FGF12: variants seen among roughly 807,000 people sequenced by gnomAD.
The protein encoded by FGF12 is fibroblast growth factor 12, also known as fibroblast growth factor 12B.
A neutral mutation model predicts 23.6 loss-of-function variants in FGF12; 14 were observed. The observed-to-expected ratio is 0.59, with a 90% confidence interval of 0.39 to 0.93. The LOEUF (loss-of-function observed/expected upper bound fraction) is 0.93. FGF12 is among the 40% of genes least tolerant of loss of function. The pLI, the probability that FGF12 is intolerant of heterozygous loss-of-function variation, is 0.00. For missense variants in FGF12, 175 were observed against 217.8 expected, an observed-to-expected ratio of 0.80 and a Z score of 1.24; for synonymous variants, 62 against 77.3, an observed-to-expected ratio of 0.80 and a Z score of 1.04.
chr3:192,711,763 G>A (rs899788449), intron 2 of FGF12, among the ~76,000 whole-genome samples: 1 of 151,932 alleles, frequency 6.6e-6, no homozygotes, highest in African/African-American at 2.4e-5. Flanking sequence ...CTCCTTAAGA[G>A]TCATCACCAC....
At chr3:192,268,949 C>T (rs1447649398) in intron 4 of FGF12, among the ~76,000 whole-genome samples, 1 of 152,066 alleles carries the variant, frequency 6.6e-6, no homozygotes, top group Non-Finnish European at 1.5e-5. Context: ...GTCTCTCACT[C>T]TGTCACCCAG....
intron 2 of FGF12, among the ~76,000 whole-genome samples, chr3:192,484,091 C>T (rs1577011342): frequency 6.6e-6 from 1 of 152,072 alleles, no homozygotes; most frequent in Non-Finnish European, 1.5e-5. Context: ...GCAATGAAGA[C>T]TAGCCACAGA....
At chr3:192,223,738 GCC>G (rs1317008109) in intron 4 of FGF12, among the ~76,000 whole-genome samples, 1 of 152,106 alleles carries the variant, frequency 6.6e-6, no homozygotes, top group Non-Finnish European at 1.5e-5. Flanking sequence ...GATAGTCAGT[GCC>G]CTTGGGGAGC....
At chr3:192,660,735 C>T (rs1264165346) in intron 2 of FGF12, among the ~76,000 whole-genome samples, 3 of 152,224 alleles carry the variant, frequency 2.0e-5, no homozygotes, top group Middle Eastern at 3.4e-3. Context: ...CAGAACCATA[C>T]TAATAGACCT....
chr3:192,197,831 A>G (rs1036287737), intron 4 of FGF12, among the ~76,000 whole-genome samples: 1 of 151,658 alleles, frequency 6.6e-6, no homozygotes, highest in Non-Finnish European at 1.5e-5. Context: ...CTGTAATCCC[A>G]GCTACTTGGG....
At chr3:192,334,515 C>T (rs909918533) in intron 4 of FGF12, among the ~76,000 whole-genome samples, 10 of 151,998 alleles carry the variant, frequency 6.6e-5, no homozygotes, top group Non-Finnish European at 1.2e-4. Flanking sequence ...TACAAGAAAG[C>T]GGAAATACAC....
intron 2 of FGF12, among the ~76,000 whole-genome samples, chr3:192,575,517 A>T (rs13320454): frequency 6.6e-6 from 1 of 152,042 alleles, no homozygotes; most frequent in South Asian, 2.1e-4. Context: ...GAGGAGGAGA[A>T]GAAAGAGGAG....
rs1377827394 is a variant in FGF12, at chr3:192,408,013, G to A, written c.14-47475C>T. 2 of 1,600,768 alleles carry A rather than the reference G, an allele frequency of 1.2e-6. No homozygotes were observed. The highest frequency in any genetic ancestry group is 1.7e-6 in the Non-Finnish European group (2 of 1,174,172). ...CCCCTCTGGGGAGCCCACTCTCCGG[G>A]CTTCTACTGACCTGGTCTCCGCCTC... On this transcript the variant is annotated intron_variant, in intron 2 of 5. Coordinates refer to ENST00000445105, the MANE Select transcript of FGF12 (RefSeq NM_004113.6). The surrounding 1 kb of genome is among the most constrained non-coding windows in gnomAD (Gnocchi z 7.3).
chr3:192,284,580 AT>A (rs1714340779), intron 4 of FGF12, among the ~76,000 whole-genome samples: 1 of 152,088 alleles, frequency 6.6e-6, no homozygotes, highest in Non-Finnish European at 1.5e-5. Flanking sequence ...GATCTATTTG[AT>A]TTTTGAGAAG....
At chr3:192,190,339 A>C (rs1014913594) in intron 4 of FGF12, among the ~76,000 whole-genome samples, 5 of 152,162 alleles carry the variant, frequency 3.3e-5, no homozygotes, top group Non-Finnish European at 5.9e-5. Flanking sequence ...TAATTCATTG[A>C]AAATATTTTA....
rs376382808 is a variant in FGF12 at position 192,408,307 on chromosome 3, G to T, written c.14-47769C>A. On this transcript the variant is annotated intron_variant, in intron 2 of 5. Coordinates refer to ENST00000445105, the MANE Select transcript of FGF12 (RefSeq NM_004113.6). The surrounding 1 kb of genome is among the most constrained non-coding windows in gnomAD (Gnocchi z 7.3). ...GCCGGGGCGAGGGCAGGACCTGGGCGGCCAGGGAAAGGGCAGTCGCGGGGA... is the reference window on the plus strand; with the variant it reads ...GCCGGGGCGAGGGCAGGACCTGGGCTGCCAGGGAAAGGGCAGTCGCGGGGA... 187 of 1,456,330 alleles carry T rather than the reference G, an allele frequency of 1.3e-4. 3 individuals carry two copies. In the East Asian group the frequency reaches 3.6e-3, roughly 28 times the overall value. 90.2% of individuals were successfully genotyped at this position (1,456,330 alleles called of 1,614,324 possible).
chr3:192,450,345 T>G (rs1171071777), intron 2 of FGF12, among the ~76,000 whole-genome samples: 1 of 152,120 alleles, frequency 6.6e-6, no homozygotes, highest in East Asian at 1.9e-4. Flanking sequence ...TACACAGAAA[T>G]AGGTCTGCAG....
intron 2 of FGF12, among the ~76,000 whole-genome samples, chr3:192,460,019 G>GGAT (rs150386715): frequency 0.016 from 2,412 of 152,176 alleles, 52 homozygotes; most frequent in African/African-American, 0.053. Context: ...GAGTCATGCA[G>GGAT]GATGAACAGA....
intron 2 of FGF12, among the ~76,000 whole-genome samples, chr3:192,702,523 T>C (rs554392726): frequency 6.7e-6 from 1 of 149,676 alleles, no homozygotes; most frequent in South Asian, 2.1e-4. Flanking sequence ...CCAGGCACAG[T>C]GGATCACGCC....
intron 2 of FGF12, among the ~76,000 whole-genome samples, chr3:192,432,833 T>C (rs1021119629): frequency 3.9e-5 from 6 of 152,150 alleles, no homozygotes; most frequent in Non-Finnish European, 8.8e-5. Context: ...TCCGGTTTAC[T>C]GACCCACCGA....
At chr3:192,502,163 C>G (rs769174467) in intron 2 of FGF12, among the ~76,000 whole-genome samples, 35 of 152,266 alleles carry the variant, frequency 2.3e-4, no homozygotes, top group Non-Finnish European at 4.1e-4. Context: ...TCTAATCATA[C>G]AAATCTAAGT....
intron 4 of FGF12, among the ~76,000 whole-genome samples, chr3:192,182,226 G>C (rs1374027801): frequency 6.6e-6 from 1 of 151,480 alleles, no homozygotes; most frequent in African/African-American, 2.4e-5. Context: ...GGTTGGCTAG[G>C]GAGCAGAGAT....
chr3:192,631,054 C>T (rs575538098), intron 2 of FGF12, among the ~76,000 whole-genome samples: 17 of 152,122 alleles, frequency 1.1e-4, no homozygotes, highest in Non-Finnish European at 2.1e-4. Context: ...GGAGTTCAAA[C>T]GTATCAAGTC....
chr3:192,344,348 A>T (rs1355076805), intron 3 of FGF12, among the ~76,000 whole-genome samples: 5 of 151,756 alleles, frequency 3.3e-5, no homozygotes, highest in Admixed American at 6.5e-5. Context: ...TAAATTTTTT[A>T]AAATGTTATG....
Sources: allele counts gnomAD v4.1 joint callset (sites outside exome capture counted in the v4.1 genomes callset), GRCh38; gene constraint gnomAD v4.1.1; non-coding constraint Gnocchi (gnomAD v3.1); transcripts MANE v1.5; gene names NCBI Gene and HGNC (gene_info 2026-07-23, HGNC 2026-07-21).